Variants in LPP observed in about 807,000 individuals in gnomAD.
The protein encoded by LPP is lipoma-preferred partner.
In LPP, 38 loss-of-function variants were observed where a neutral mutation model predicts 60.4. The observed-to-expected ratio is 0.63, with a 90% CI of 0.49 to 0.83. LPP has a LOEUF of 0.83. Among genes scored for constraint, LPP ranks in the 40% least tolerant of loss-of-function variants. LPP has a pLI of 0.00. For synonymous variants in LPP, 328 were observed against 290.8 expected, an observed-to-expected ratio of 1.13 and a Z score of -1.30; for missense variants, 902 against 783.6, an observed-to-expected ratio of 1.15 and a Z score of -1.80.
At position 188,203,419 on chromosome 3, in the gene LPP, TA is replaced by T. The variant is rs1257161861; in HGVS notation, c.-189-21984del. ...ATATATATTTTTATAAATATATATA[TA>T]ATATAAATATAAATATATATTTATA... On this transcript the variant is annotated intron_variant, in intron 1 of 11. Transcript: ENST00000617246. Among the ~76,000 whole-genome samples the T allele has an allele frequency of 7.8e-4, 41 of 52,298 alleles. 1 individual carries two copies. In the East Asian group the frequency reaches 8.7e-3, roughly 11 times the overall value. The allele number at this position is 52,298 out of a possible 152,430, so 34.3% of individuals were successfully genotyped here. A position where few individuals can be genotyped will look rare whatever the true frequency, so the allele number is the denominator to read the frequency against.
Position 188,232,051 on chromosome 3 carries a change from G to A in LPP, c.-67+6524G>A, listed in dbSNP as rs151218084. Among the ~76,000 whole-genome samples, 145 of 152,262 alleles carry A rather than the reference G, an allele frequency of 9.5e-4. 1 individual carries two copies. Among genetic ancestry groups the A allele is most frequent in the African/African-American group, 3.3e-3 (137 of 41,548 alleles). On this transcript the variant is annotated intron_variant, in intron 2 of 11. Coordinates refer to ENST00000617246, the MANE Select transcript of LPP (RefSeq NM_001375462.1). ...TCAGCCAATACCCTCTGTCTGGCAG[G>A]GAGTTTCTTTTCCAGAGCATCCTTC...
At chr3:188,475,426 A>C (rs1041691097) in intron 4 of LPP, among the ~76,000 whole-genome samples, 7 of 152,106 alleles carry the variant, frequency 4.6e-5, no homozygotes, top group Non-Finnish European at 1.0e-4. Context: ...TTGGTTTTTT[A>C]AAAAAATGCA....
At chr3:188,787,667 A>G (rs186025643) in intron 9 of LPP, among the ~76,000 whole-genome samples, 1 of 151,914 alleles carries the variant, frequency 6.6e-6, no homozygotes, top group Admixed American at 6.6e-5. Flanking sequence ...AGCACCGTAC[A>G]CTCTGGGTTT....
chr3:188,702,199 G>A lies in LPP; in HGVS notation c.1114-6068G>A, dbSNP rs370674968. Among the ~76,000 whole-genome samples, 37 of 151,866 alleles carry A rather than the reference G, an allele frequency of 2.4e-4. 1 individual carries two copies. Among genetic ancestry groups the A allele is most frequent in the African/African-American group, 5.1e-4 (21 of 41,476 alleles). The stretch of plus-strand genomic sequence containing the variant: ...TCTCGATTTCCTGACCTCGTGATCC[G>A]CCTCCCTCAGCCTCCCAAAGTGCTG... On this transcript the variant is annotated intron_variant, in intron 7 of 11. Transcript: ENST00000617246.
intron 9 of LPP, among the ~76,000 whole-genome samples, chr3:188,823,594 A>G (rs1754583315): frequency 1.3e-5 from 2 of 152,230 alleles, no homozygotes; most frequent in Non-Finnish European, 2.9e-5. Flanking sequence ...CCATGACTTC[A>G]AAATACTTTT....
chr3:188,380,002 T>A (rs1367217958), intron 3 of LPP, among the ~76,000 whole-genome samples: 1 of 152,210 alleles, frequency 6.6e-6, no homozygotes, highest in Non-Finnish European at 1.5e-5. Flanking sequence ...GAGATGCAGA[T>A]GTTTTTGAGA....
intron 8 of LPP, among the ~76,000 whole-genome samples, chr3:188,724,906 TA>T (rs910087788): frequency 6.6e-6 from 1 of 152,140 alleles, no homozygotes; most frequent in African/African-American, 2.4e-5. Context: ...ATTTTGAAAA[TA>T]AAGTCACCCT....
intron 2 of LPP, among the ~76,000 whole-genome samples, chr3:188,308,062 G>C (rs1006350917): frequency 2.0e-5 from 3 of 152,124 alleles, no homozygotes; most frequent in South Asian, 2.1e-4. Flanking sequence ...TCTAAGTTTT[G>C]TTGCTTAAAT....
rs1054568411 is a variant in LPP, at chr3:188,887,512, T to G, written c.*13033T>G. ...ATGGCCTCATGTTTTAACTTTCAAA[T>G]AATAAATGGGGAGTTGGTATTTGGG... On this transcript the variant is annotated 3_prime_UTR_variant, in exon 12 of 12. Transcript: ENST00000617246. The G allele has an allele frequency of 9.2e-6, 2 of 216,982 alleles. No homozygotes were observed. The highest frequency in any genetic ancestry group is 4.5e-5 in the African/African-American group (2 of 44,456). The allele number at this position is 216,982 out of a possible 1,614,324, so 13.4% of individuals were successfully genotyped here.
intron 1 of LPP, among the ~76,000 whole-genome samples, chr3:188,171,774 C>G (rs1420087580): frequency 6.6e-6 from 1 of 152,218 alleles, no homozygotes; most frequent in Non-Finnish European, 1.5e-5. Flanking sequence ...CAATGCACTA[C>G]TAGGTTCTCA....
intron 1 of LPP, among the ~76,000 whole-genome samples, chr3:188,224,934 G>A (rs1300950384): frequency 1.3e-5 from 2 of 151,812 alleles, no homozygotes. Flanking sequence ...TATCAAGGAC[G>A]GCTTACTGGG....
At chr3:188,317,137 G>C (rs192691386) in intron 2 of LPP, among the ~76,000 whole-genome samples, 1 of 152,234 alleles carries the variant, frequency 6.6e-6, no homozygotes, top group East Asian at 1.9e-4. Context: ...AAATTATAAT[G>C]ATGACGACGA....
At chr3:188,554,628 CTA>C (rs1220343117) in intron 6 of LPP, among the ~76,000 whole-genome samples, 2 of 152,160 alleles carry the variant, frequency 1.3e-5, no homozygotes, top group Non-Finnish European at 2.9e-5. Flanking sequence ...GTTTAATAGT[CTA>C]TGACTCACAA....
At chr3:188,584,071 C>T (rs898604201) in intron 6 of LPP, among the ~76,000 whole-genome samples, 3 of 152,152 alleles carry the variant, frequency 2.0e-5, no homozygotes, top group Non-Finnish European at 4.4e-5. Context: ...TCAAGTACAG[C>T]GTTTGGCCTC....
intron 6 of LPP, among the ~76,000 whole-genome samples, chr3:188,599,887 GATTTTTAT>G (rs1840781846): frequency 6.6e-6 from 1 of 151,166 alleles, no homozygotes; most frequent in South Asian, 2.1e-4. Context: ...AAAATTGTGT[GATTTTTAT>G]TTCGTGCATA....
At chr3:188,657,842 T>G (rs1214439803) in intron 7 of LPP, among the ~76,000 whole-genome samples, 1 of 152,218 alleles carries the variant, frequency 6.6e-6, no homozygotes, top group Non-Finnish European at 1.5e-5. Flanking sequence ...ATTCTTCCAT[T>G]TGTAAATATG....
At chr3:188,419,567 G>A (rs1246669599) in intron 4 of LPP, among the ~76,000 whole-genome samples, 1 of 152,206 alleles carries the variant, frequency 6.6e-6, no homozygotes, top group Non-Finnish European at 1.5e-5. Context: ...ACCAGGATAA[G>A]TGGCAACCTA....
chr3:188,793,258 C>T (rs1457563444), intron 9 of LPP, among the ~76,000 whole-genome samples: 4 of 151,598 alleles, frequency 2.6e-5, no homozygotes, highest in Admixed American at 2.6e-4. Context: ...TCTCTGTTCC[C>T]GCAACCTATG....
In LPP at chr3:188,875,493, G is replaced by C. The variant is rs1185593518; in HGVS notation, c.*1014G>C. On this transcript the variant is annotated 3_prime_UTR_variant, in exon 12 of 12. Transcript: ENST00000617246. Reference sequence around the variant, plus strand: ...TCTTCTTTTTCTTTTTTATTACCAGGTCCATTTTGCCTGACAATTGCAAAT... The same window carrying C: ...TCTTCTTTTTCTTTTTTATTACCAGCTCCATTTTGCCTGACAATTGCAAAT... 1 of 214,614 alleles carries C rather than the reference G, an allele frequency of 4.7e-6. No individual in the cohort carries two copies. The highest frequency in any genetic ancestry group is 2.3e-5 in the African/African-American group (1 of 44,234). 13.3% of individuals were successfully genotyped at this position (214,614 alleles called of 1,614,324 possible).
Sources: gnomAD v4.1 joint callset for allele counts (sites outside exome capture counted in the v4.1 genomes callset) on GRCh38, gnomAD v4.1.1 for gene constraint, MANE v1.5 for transcripts, NCBI Gene and HGNC (gene_info 2026-07-23, HGNC 2026-07-21) for gene names.